Variants in SLC2A13 observed in about 807,000 individuals in gnomAD.
SLC2A13 encodes proton myo-inositol cotransporter.
SLC2A13 carries 32 observed loss-of-function variants against 64.4 expected under a neutral mutation model. The ratio of observed to expected loss-of-function variants is 0.50; its 90% CI spans 0.37 to 0.67. The LOEUF (loss-of-function observed/expected upper bound fraction) is 0.67. SLC2A13 is among the 30% of genes least tolerant of loss of function. The pLI, the probability that SLC2A13 is intolerant of heterozygous loss-of-function variation, is 0.00. For missense variants in SLC2A13, 743 were observed against 829.2 expected, an observed-to-expected ratio of 0.90 and a Z score of 1.28; for synonymous variants, 338 against 327.1, an observed-to-expected ratio of 1.03 and a Z score of -0.36.
chr12:40,105,616 C>G lies in SLC2A13; in HGVS notation c.193G>C (p.Glu65Gln). Residue 65 changes from glutamate to glutamine, a missense_variant, in exon 1 of 10, where the codon GAG becomes CAG. Coordinates refer to ENST00000280871, the MANE Select transcript of SLC2A13 (RefSeq NM_052885.4). The surrounding 1 kb of genome is among the most constrained non-coding windows in gnomAD (Gnocchi z 4.2). The part of the protein sequence containing the change: ...GAGGGGVGDL[E>Q]RAARRQFQQD... ...TGGAACTGCCGCCGCGCCGCGCGCT[C>G]CAGGTCCCCGACGCCGCCGCCGCCC... 3.3e-6 allele frequency: 5 copies of G among 1,504,458 alleles called. No homozygotes were observed. Among genetic ancestry groups the G allele is most frequent in the Non-Finnish European group, 4.4e-6 (5 of 1,130,032 alleles). The allele number at this position is 1,504,458 out of a possible 1,614,324, so 93.2% of individuals were successfully genotyped here. A position where few individuals can be genotyped will look rare whatever the true frequency, so the allele number is the denominator to read the frequency against.
chr12:40,065,316 C>T lies in SLC2A13; in HGVS notation c.557-17106G>A, dbSNP rs1315846152. Among the ~76,000 whole-genome samples the T allele has an allele frequency of 2.0e-5, 3 of 152,042 alleles. No individual in the cohort carries two copies. The East Asian group carries it at 5.8e-4, about 29-fold the overall frequency. On this transcript the variant is annotated intron_variant, in intron 1 of 9. Coordinates refer to ENST00000280871, the MANE Select transcript of SLC2A13 (RefSeq NM_052885.4). ...TTGTTGCCAGGCATGGTGGCTCACA[C>T]CTATCTTATAATCCCAACACTTTGG...
chr12:39,840,752 C>T (rs546135688), intron 6 of SLC2A13, among the ~76,000 whole-genome samples: 1 of 152,056 alleles, frequency 6.6e-6, no homozygotes, highest in Non-Finnish European at 1.5e-5. Flanking sequence ...TTCTTAACAG[C>T]TTCATGCTGT....
At chr12:40,090,249 T>A (rs1473066679) in intron 1 of SLC2A13, among the ~76,000 whole-genome samples, 1 of 152,180 alleles carries the variant, frequency 6.6e-6, no homozygotes, top group Non-Finnish European at 1.5e-5. Context: ...CTTTTCTAAA[T>A]GCTTCCAAAT....
At chr12:40,042,458 A>C (rs1182115730) in intron 2 of SLC2A13, among the ~76,000 whole-genome samples, 2 of 152,176 alleles carry the variant, frequency 1.3e-5, no homozygotes, top group African/African-American at 2.4e-5. Context: ...GAAGGAGATA[A>C]ATTTTCATAG....
intron 4 of SLC2A13, among the ~76,000 whole-genome samples, chr12:39,880,462 T>C (rs1944312642): frequency 1.3e-5 from 2 of 152,256 alleles, no homozygotes; most frequent in South Asian, 4.1e-4. Flanking sequence ...GTTAGAAAAG[T>C]AGAAATCACA....
At chr12:40,025,652 T>A (rs1307009177) in intron 3 of SLC2A13, among the ~76,000 whole-genome samples, 1 of 152,190 alleles carries the variant, frequency 6.6e-6, no homozygotes, top group Non-Finnish European at 1.5e-5. Flanking sequence ...TCCTGGAATA[T>A]CAGGATAATT....
intron 7 of SLC2A13, among the ~76,000 whole-genome samples, chr12:39,819,037 A>G (rs1942417225): frequency 6.6e-6 from 1 of 152,180 alleles, no homozygotes; most frequent in South Asian, 2.1e-4. Flanking sequence ...GTTTTCAGAC[A>G]ACCGCTTGCA....
At chr12:39,984,571 T>C (rs1408329361) in intron 3 of SLC2A13, among the ~76,000 whole-genome samples, 1 of 152,158 alleles carries the variant, frequency 6.6e-6, no homozygotes, top group South Asian at 2.1e-4. Flanking sequence ...CAATTAATTA[T>C]GAAGGTTTAA....
In SLC2A13 at chr12:39,757,080, C is replaced by T. The variant is rs1424175081; in HGVS notation, c.*2946G>A. ...TGTTTACATTGAAGAAAATTATTAA[C>T]GGCAAACCCTTTTGACATCACATTC... On this transcript the variant is annotated 3_prime_UTR_variant, in exon 10 of 10. Transcript: ENST00000280871. The T allele has an allele frequency of 1.3e-5, 2 of 151,672 alleles. No homozygotes were observed. The highest frequency in any genetic ancestry group is 6.6e-5 in the Admixed American group (1 of 15,166). 9.4% of individuals were successfully genotyped at this position (151,672 alleles called of 1,614,324 possible).
At chr12:40,097,357 G>C (rs1336546815) in intron 1 of SLC2A13, among the ~76,000 whole-genome samples, 1 of 152,076 alleles carries the variant, frequency 6.6e-6, no homozygotes, top group Non-Finnish European at 1.5e-5. Flanking sequence ...TTTTGTGTGT[G>C]TTTAGCAAAA....
chr12:40,013,978 G>A (rs1947575802), intron 3 of SLC2A13, among the ~76,000 whole-genome samples: 1 of 152,130 alleles, frequency 6.6e-6, no homozygotes, highest in African/African-American at 2.4e-5. Context: ...ATATGTATAT[G>A]TTATTTGTAT....
chr12:39,957,828 T>C (rs1946343045), intron 3 of SLC2A13, among the ~76,000 whole-genome samples: 1 of 152,042 alleles, frequency 6.6e-6, no homozygotes, highest in South Asian at 2.1e-4. Flanking sequence ...CCTGAAGCGC[T>C]TCCCATGAGC....
chr12:40,099,251 G>A (rs538904213), intron 1 of SLC2A13, among the ~76,000 whole-genome samples: 4 of 152,286 alleles, frequency 2.6e-5, no homozygotes, highest in South Asian at 4.2e-4. Flanking sequence ...GATACTATTA[G>A]AAATAGGTGC....
chr12:39,787,170 CA>C (rs924031803), intron 7 of SLC2A13, among the ~76,000 whole-genome samples: 3 of 152,134 alleles, frequency 2.0e-5, no homozygotes, highest in African/African-American at 4.8e-5. Flanking sequence ...GGTTAACACA[CA>C]AGCCTTGCAG....
chr12:39,853,829 T>C (rs943620324), intron 6 of SLC2A13, among the ~76,000 whole-genome samples: 1 of 152,126 alleles, frequency 6.6e-6, no homozygotes, highest in Non-Finnish European at 1.5e-5. Context: ...ATAAGGAACT[T>C]TGGCCACTAA....
chr12:39,843,053 T>G (rs1943217176), intron 6 of SLC2A13, among the ~76,000 whole-genome samples: 1 of 152,022 alleles, frequency 6.6e-6, no homozygotes, highest in African/African-American at 2.4e-5. Flanking sequence ...TTTCGCTGTT[T>G]TATAAAAAAA....
At chr12:39,993,292 A>T (rs995736965) in intron 3 of SLC2A13, among the ~76,000 whole-genome samples, 1 of 152,242 alleles carries the variant, frequency 6.6e-6, no homozygotes, top group Non-Finnish European at 1.5e-5. Flanking sequence ...TATCATCACT[A>T]CTCAATTTTT....
intron 3 of SLC2A13, among the ~76,000 whole-genome samples, chr12:39,951,787 C>T (rs1946235789): frequency 6.6e-6 from 1 of 152,090 alleles, no homozygotes; most frequent in Non-Finnish European, 1.5e-5. Context: ...TTGCTTTAAT[C>T]AACCGTAAGA....
At chr12:39,809,175 C>T (rs1453367562) in intron 7 of SLC2A13, among the ~76,000 whole-genome samples, 2 of 152,118 alleles carry the variant, frequency 1.3e-5, no homozygotes, top group African/African-American at 2.4e-5. Context: ...AAAGACTATT[C>T]TTTCCCCATT....
Sources: gnomAD v4.1 joint callset for allele counts (sites outside exome capture counted in the v4.1 genomes callset) on GRCh38, gnomAD v4.1.1 for gene constraint, Gnocchi (gnomAD v3.1) non-coding constraint, MANE v1.5 for transcripts, NCBI Gene and HGNC (gene_info 2026-07-23, HGNC 2026-07-21) for gene names.